KCNIP4: variants seen among roughly 807,000 people sequenced by gnomAD.
KCNIP4 encodes Kv channel-interacting protein 4.
A neutral mutation model predicts 34.0 loss-of-function variants in KCNIP4; 12 were observed. The observed-to-expected ratio is 0.35, with a 90% confidence interval of 0.23 to 0.57. The LOEUF (loss-of-function observed/expected upper bound fraction) is 0.57, where lower values mean the gene tolerates loss of function less well. Ranked by LOEUF, KCNIP4 falls within the 20% of genes least tolerant of loss-of-function variation. The pLI, the probability that KCNIP4 is intolerant of heterozygous loss-of-function variation, is 0.83. For synonymous variants in KCNIP4, 124 were observed against 102.2 expected, an observed-to-expected ratio of 1.21 and a Z score of -1.29; for missense variants, 238 against 311.7, an observed-to-expected ratio of 0.76 and a Z score of 1.78.
At chr4:21,607,263 C>A (rs73254375) in intron 1 of KCNIP4, among the ~76,000 whole-genome samples, 4,466 of 152,178 alleles carry the variant, frequency 0.029, 74 homozygotes, top group South Asian at 0.073. Flanking sequence ...CAGTGAATAA[C>A]GCCTATCTCA....
intron 1 of KCNIP4, among the ~76,000 whole-genome samples, chr4:21,943,818 A>G (rs1384656180): frequency 6.6e-6 from 1 of 152,116 alleles, no homozygotes; most frequent in African/African-American, 2.4e-5. Context: ...CTCATGGCCT[A>G]GAAAGGATGC....
intron 1 of KCNIP4, among the ~76,000 whole-genome samples, chr4:21,707,787 AG>A (rs933228479): frequency 3.3e-5 from 5 of 152,114 alleles, no homozygotes; most frequent in African/African-American, 9.7e-5. Context: ...ACTTCAAAAA[AG>A]GAAAGGTTGA....
rs1483444173 is a variant in KCNIP4, at chr4:21,806,020, T to C, written c.61+142551A>G. Among the ~76,000 whole-genome samples, 3 of 152,362 alleles carry C rather than the reference T, an allele frequency of 2.0e-5. No individual in the cohort carries two copies. The East Asian group carries it at 5.8e-4, about 29-fold the overall frequency. On this transcript the variant is annotated intron_variant, in intron 1 of 8. Transcript: ENST00000382152. ...TCTGTTTAGATGGACACATCAATTGTATCCTGGTTTTCTTCTGACATATAA... is the reference window on the plus strand; with the variant it reads ...TCTGTTTAGATGGACACATCAATTGCATCCTGGTTTTCTTCTGACATATAA...
chr4:21,036,155 A>G (rs1357772742), intron 1 of KCNIP4, among the ~76,000 whole-genome samples: 3 of 152,174 alleles, frequency 2.0e-5, no homozygotes, highest in Non-Finnish European at 4.4e-5. Context: ...GTCTGTTTGG[A>G]ACATACTTAT....
At chr4:21,489,498 T>C (rs1257767313) in intron 1 of KCNIP4, among the ~76,000 whole-genome samples, 3 of 152,136 alleles carry the variant, frequency 2.0e-5, no homozygotes, top group Non-Finnish European at 2.9e-5. Context: ...ACCTGAGTTC[T>C]TTTCATTAAT....
chr4:21,278,665 G>C (rs1002289960), intron 1 of KCNIP4, among the ~76,000 whole-genome samples: 1 of 152,146 alleles, frequency 6.6e-6, no homozygotes, highest in Non-Finnish European at 1.5e-5. Flanking sequence ...ATGCAGCAAA[G>C]AGAGTTCTAA....
intron 3 of KCNIP4, among the ~76,000 whole-genome samples, chr4:20,783,736 A>T (rs982406464): frequency 1.7e-4 from 26 of 152,238 alleles, no homozygotes; most frequent in African/African-American, 6.3e-4. Flanking sequence ...AAGTAAGCAC[A>T]CAGAAATACA....
chr4:21,908,477 T>C (rs1021386986), intron 1 of KCNIP4, among the ~76,000 whole-genome samples: 1 of 152,180 alleles, frequency 6.6e-6, no homozygotes, highest in Admixed American at 6.5e-5. Flanking sequence ...AGCCCATTAT[T>C]AGGCAATAAA....
intron 1 of KCNIP4, among the ~76,000 whole-genome samples, chr4:21,204,144 A>G (rs1756684496): frequency 6.6e-6 from 1 of 151,028 alleles, no homozygotes; most frequent in African/African-American, 2.5e-5. Context: ...CACTTTGAAT[A>G]TACTTCTATT....
intron 1 of KCNIP4, among the ~76,000 whole-genome samples, chr4:21,462,599 T>C (rs1729553655): frequency 6.6e-6 from 1 of 152,120 alleles, no homozygotes; most frequent in African/African-American, 2.4e-5. Flanking sequence ...TATTCAATTC[T>C]CTACATCAGT....
At chr4:21,531,667 G>A (rs62301332) in intron 1 of KCNIP4, among the ~76,000 whole-genome samples, 1,838 of 151,820 alleles carry the variant, frequency 0.012, 21 homozygotes, top group Middle Eastern at 0.021. Context: ...GTGAGCCACC[G>A]CACCCGGCCT....
intron 4 of KCNIP4, among the ~76,000 whole-genome samples, chr4:20,750,471 G>GT (rs1333895176): frequency 1.3e-5 from 2 of 152,138 alleles, no homozygotes; most frequent in African/African-American, 2.4e-5. Context: ...TGGGTCCTGG[G>GT]TGGGATTCAA....
chr4:21,456,386 CTTGCTTGGCTG>C (rs1318444504), intron 1 of KCNIP4, among the ~76,000 whole-genome samples: 1 of 147,872 alleles, frequency 6.8e-6, no homozygotes, highest in East Asian at 2.0e-4. Flanking sequence ...GCAACTCTTC[CTTGCTTGGCTG>C]TTACTCATAA....
At chr4:21,526,125 GT>G (rs1180072866) in intron 1 of KCNIP4, among the ~76,000 whole-genome samples, 8 of 152,116 alleles carry the variant, frequency 5.3e-5, no homozygotes, top group Non-Finnish European at 8.8e-5. Context: ...CACCTGATAT[GT>G]TTTGGATCTG....
intron 1 of KCNIP4, among the ~76,000 whole-genome samples, chr4:21,040,207 ATCATGC>A (rs1255182782): frequency 4.6e-5 from 7 of 152,216 alleles, no homozygotes. Flanking sequence ...GCCTAACCAT[ATCATGC>A]TCCAAAGAAT....
chr4:21,754,621 GGC>G (rs1224716890), intron 1 of KCNIP4, among the ~76,000 whole-genome samples: 1 of 152,080 alleles, frequency 6.6e-6, no homozygotes, highest in Non-Finnish European at 1.5e-5. Flanking sequence ...CAGAAAGCCT[GGC>G]CTCTTGATCA....
chr4:21,076,298 C>G lies in KCNIP4; in HGVS notation c.62-193589G>C, dbSNP rs111363138. ...ACACCAATCAGAATCTTATCAATAT[C>G]CTCATCTCCCACATGAATATTCTCT... On this transcript the variant is annotated intron_variant, in intron 1 of 8. Coordinates refer to ENST00000382152, the MANE Select transcript of KCNIP4 (RefSeq NM_025221.6). Among the ~76,000 whole-genome samples the G allele has an allele frequency of 5.0e-3, 763 of 152,004 alleles. 5 individuals carry two copies. Among genetic ancestry groups the G allele is most frequent in the African/African-American group, 0.017 (726 of 41,532 alleles).
intron 1 of KCNIP4, among the ~76,000 whole-genome samples, chr4:20,905,344 C>T (rs1022908323): frequency 6.6e-6 from 1 of 152,050 alleles, no homozygotes; most frequent in African/African-American, 2.4e-5. Flanking sequence ...TAGGGTTTCA[C>T]CCTAATGACC....
At chr4:21,444,556 C>T (rs1180250097) in intron 1 of KCNIP4, among the ~76,000 whole-genome samples, 1 of 152,178 alleles carries the variant, frequency 6.6e-6, no homozygotes, top group Non-Finnish European at 1.5e-5. Context: ...GCAGAAAAGG[C>T]TTTTGACAAA....
Sources: allele counts gnomAD v4.1 joint callset (sites outside exome capture counted in the v4.1 genomes callset), GRCh38; gene constraint gnomAD v4.1.1; transcripts MANE v1.5; gene names NCBI Gene and HGNC (gene_info 2026-07-23, HGNC 2026-07-21).